The following TRPM3 variants were observed in gnomAD, a reference collection of about 807,000 sequenced individuals.
TRPM3 encodes the protein long transient receptor potential channel 3.
A neutral mutation model predicts 181.2 loss-of-function variants in TRPM3; 77 were observed. The ratio of observed to expected loss-of-function variants is 0.42; its 90% confidence interval spans 0.35 to 0.51. TRPM3 has a LOEUF of 0.51. Ranked by LOEUF, TRPM3 falls within the 20% of genes least tolerant of loss-of-function variation. The pLI is 0.01. For synonymous variants in TRPM3, 745 were observed against 796.4 expected (o/e 0.94, Z 1.09); for missense variants, 1,759 against 2,196.7 (o/e 0.80, Z 3.98).
chr9:71,196,808 T>C (rs574998772), intron 1 of TRPM3, among the ~76,000 whole-genome samples: 12 of 152,210 alleles, frequency 7.9e-5, no homozygotes, highest in South Asian at 6.2e-4. Flanking sequence ...ATGAATGCAG[T>C]TGCTGCTCCA....
At chr9:71,052,254 C>T (rs1048669548) in intron 1 of TRPM3, among the ~76,000 whole-genome samples, 11 of 152,030 alleles carry the variant, frequency 7.2e-5, no homozygotes, top group East Asian at 1.9e-4. Flanking sequence ...AAATGTTTGT[C>T]GAAGGCTATT....
upstream of TRPM3, among the ~76,000 whole-genome samples, chr9:71,123,047 T>C (rs1369605753): frequency 1.3e-5 from 2 of 152,178 alleles, no homozygotes; most frequent in Non-Finnish European, 2.9e-5. Flanking sequence ...ATCTCACAGA[T>C]TAAGCAAGTG....
intron 1 of TRPM3, among the ~76,000 whole-genome samples, chr9:71,127,022 G>T (rs1470369897): frequency 2.0e-5 from 3 of 151,502 alleles, no homozygotes; most frequent in African/African-American, 7.3e-5. Context: ...GGGGGATCTT[G>T]GGCCATTAAT....
At chr9:71,197,303 C>T (rs990308490) in intron 1 of TRPM3, among the ~76,000 whole-genome samples, 3 of 152,282 alleles carry the variant, frequency 2.0e-5, no homozygotes, top group Admixed American at 6.5e-5. Context: ...CAAGTCTTTG[C>T]TATTGTGAAT....
chr9:71,183,903 T>A (rs1330527721), intron 1 of TRPM3, among the ~76,000 whole-genome samples: 1 of 152,102 alleles, frequency 6.6e-6, no homozygotes, highest in Non-Finnish European at 1.5e-5. Flanking sequence ...TTAAAATCTT[T>A]CAGGCCTCAC....
chr9:70,599,705 A>C (rs1420873642), intron 20 of TRPM3, among the ~76,000 whole-genome samples: 1 of 152,082 alleles, frequency 6.6e-6, no homozygotes, highest in Non-Finnish European at 1.5e-5. Context: ...CCTTTTTAGG[A>C]AGGCCTTTTT....
chr9:70,837,350 C>T (rs978844425), intron 5 of TRPM3, among the ~76,000 whole-genome samples: 4 of 152,062 alleles, frequency 2.6e-5, no homozygotes, highest in South Asian at 2.1e-4. Context: ...AACATAAGAA[C>T]CCTTACAGGC....
chr9:71,339,642 C>T (rs2090816378), intron 1 of TRPM3, among the ~76,000 whole-genome samples: 1 of 152,046 alleles, frequency 6.6e-6, no homozygotes, highest in African/African-American at 2.4e-5. Flanking sequence ...TAGATCTGTT[C>T]ATCATGCCAT....
At chr9:71,190,428 T>C (rs1370235055) in intron 1 of TRPM3, among the ~76,000 whole-genome samples, 1 of 151,902 alleles carries the variant, frequency 6.6e-6, no homozygotes, top group Non-Finnish European at 1.5e-5. Context: ...ATTAAAACTT[T>C]TGCTACAGAG....
chr9:71,226,887 T>C (rs931630055), intron 1 of TRPM3, among the ~76,000 whole-genome samples: 4 of 152,078 alleles, frequency 2.6e-5, no homozygotes, highest in Admixed American at 2.6e-4. Flanking sequence ...CTATAGGCCA[T>C]GTGGGCCTAT....
intron 1 of TRPM3, among the ~76,000 whole-genome samples, chr9:71,299,557 G>A (rs2086593738): frequency 1.3e-5 from 2 of 151,838 alleles, no homozygotes; most frequent in Admixed American, 1.3e-4. Context: ...GGAGAGGGGA[G>A]GGAGGGAAGG....
chr9:70,795,552 C>T (rs540255829), intron 6 of TRPM3, among the ~76,000 whole-genome samples: 2 of 152,300 alleles, frequency 1.3e-5, no homozygotes, highest in African/African-American at 4.8e-5. Context: ...TTATCCAATT[C>T]CCTTCTCGTG....
chr9:70,646,029 A>G (rs997332915), intron 9 of TRPM3, among the ~76,000 whole-genome samples: 1 of 152,244 alleles, frequency 6.6e-6, no homozygotes, highest in Admixed American at 6.5e-5. Context: ...ACAATGAGAT[A>G]ACAACTCACG....
At chr9:71,144,941 G>T (rs2075322892) in intron 1 of TRPM3, among the ~76,000 whole-genome samples, 1 of 152,062 alleles carries the variant, frequency 6.6e-6, no homozygotes, top group African/African-American at 2.4e-5. Flanking sequence ...ATGTATCCAT[G>T]ACAACCCAGA....
intron 1 of TRPM3, among the ~76,000 whole-genome samples, chr9:70,890,234 T>C (rs995586090): frequency 6.6e-6 from 1 of 151,156 alleles, no homozygotes; most frequent in Non-Finnish European, 1.5e-5. Context: ...AGTTAAGAGA[T>C]ATAACAAGAA....
chr9:70,864,538 A>AAAAAAAAAAAAAAAAAAAAG, intron 1 of TRPM3, 27 bp from the exon 2 acceptor site: 8 of 1,433,862 alleles, frequency 5.6e-6, no homozygotes, highest in South Asian at 1.5e-5. Context: ...AAAAAAAAAA[A>AAAAAAAAAAAAAAAAAAAAG]AAAGAAAAAA....
intron 1 of TRPM3, among the ~76,000 whole-genome samples, chr9:71,102,075 C>A (rs893255220): frequency 5.9e-5 from 9 of 152,152 alleles, no homozygotes; most frequent in Admixed American, 2.0e-4. Flanking sequence ...CATACCAAAG[C>A]AAAATCAGAA....
At chr9:70,742,247 C>T (rs2074279500) in intron 8 of TRPM3, among the ~76,000 whole-genome samples, 2 of 151,920 alleles carry the variant, frequency 1.3e-5, no homozygotes, top group South Asian at 4.2e-4. Context: ...AAGTTATAAT[C>T]ATGATTATTT....
At chr9:71,234,367 T>C (rs1233098543) in intron 1 of TRPM3, among the ~76,000 whole-genome samples, 7 of 152,220 alleles carry the variant, frequency 4.6e-5, no homozygotes, top group Non-Finnish European at 8.8e-5. Flanking sequence ...GCAGGGATCA[T>C]TGGAGGCCAT....
Sources: allele counts gnomAD v4.1 joint callset (sites outside exome capture counted in the v4.1 genomes callset), GRCh38; gene constraint gnomAD v4.1.1; transcripts MANE v1.5; gene names NCBI Gene and HGNC (gene_info 2026-07-23, HGNC 2026-07-21).